The following AFF4 variants were observed in gnomAD, a reference collection of about 807,000 sequenced individuals.
AFF4 encodes the protein AF4/FMR2 family member 4.
Under a neutral mutation model 124.8 loss-of-function variants are expected in AFF4, and 13 were observed. The ratio of observed to expected loss-of-function variants is 0.10; its 90% confidence interval spans 0.07 to 0.17. AFF4 has a LOEUF of 0.17. AFF4 is among the 10% of genes least tolerant of loss of function. The pLI is 1.00. For synonymous variants in AFF4, 477 were observed against 496.1 expected, an observed-to-expected ratio of 0.96 and a Z score of 0.51; for missense variants, 1,092 against 1,403.8, an observed-to-expected ratio of 0.78 and a Z score of 3.55.
At chr5:132,959,472 T>C (rs1418391413) in intron 1 of AFF4, among the ~76,000 whole-genome samples, 5 of 119,454 alleles carry the variant, frequency 4.2e-5, no homozygotes, top group African/African-American at 1.3e-4. Flanking sequence ...GTAGCTAAGA[T>C]TTTTTTTCTT....
intron 5 of AFF4, among the ~76,000 whole-genome samples, chr5:132,923,139 G>A (rs980659585): frequency 6.6e-5 from 10 of 152,154 alleles, no homozygotes; most frequent in Admixed American, 6.5e-4. Context: ...TTGCACCACT[G>A]CACTCCAGCC....
In AFF4 at chr5:132,892,364, G is replaced by A; in HGVS notation, c.2437C>T (p.Pro813Ser). Reference protein sequence around the residue: ...QSAAKEKDLLPSPAGPVPSKD... With the variant: ...QSAAKEKDLLSSPAGPVPSKD... ...GAAGGAACAGGCCCAGCGGGAGAAG[G>A]CAACAAATCCTTTTCTTTTGCAGCA... The change falls in exon 13 of 21, where the codon CCT (proline) becomes TCT (serine). Residue 813 changes from proline (P) to serine (S), a missense_variant. Physicochemically the swap from Pro to Ser is moderately conservative, Grantham distance 74. Around this residue, in one of 11 missense-constraint regions of AFF4, gnomAD observed 293 missense variants for 280.2 expected, o/e 1.05. Transcript: ENST00000265343. 1 of 1,613,836 alleles carries A rather than the reference G, an allele frequency of 6.2e-7. No homozygotes were observed.
intron 1 of AFF4, among the ~76,000 whole-genome samples, chr5:132,949,138 G>T (rs1761770092): frequency 6.6e-6 from 1 of 151,478 alleles, no homozygotes; most frequent in Non-Finnish European, 1.5e-5. Flanking sequence ...CAGTAGGAAG[G>T]CATGTTGAGA....
intron 17 of AFF4, among the ~76,000 whole-genome samples, chr5:132,887,251 T>G (rs766338355): frequency 3.3e-5 from 5 of 152,128 alleles, no homozygotes; most frequent in Non-Finnish European, 7.4e-5. Context: ...ATGAAGAGTG[T>G]GGAAAAGTGA....
chr5:132,927,815 G>C (rs1307479144), intron 4 of AFF4, among the ~76,000 whole-genome samples: 1 of 149,332 alleles, frequency 6.7e-6, no homozygotes, highest in Non-Finnish European at 1.5e-5. Flanking sequence ...GAAGAAATCA[G>C]AAGAGAAATT....
At chr5:132,883,221 CAG>C in intron 20 of AFF4, 117 bp downstream of exon 20, 1 of 975,774 alleles carries the variant, frequency 1.0e-6, no homozygotes, top group Non-Finnish European at 1.5e-6. Context: ...TATTAACAAA[CAG>C]ATTATCATTA....
In AFF4 at chr5:132,963,432, G is replaced by A. The variant is rs1581347623; in HGVS notation, c.-178C>T. 7.5e-6 allele frequency: 3 copies of A among 398,202 alleles called. No homozygotes were observed. In the East Asian group the frequency reaches 1.1e-4, roughly 14 times the overall value. The allele number at this position is 398,202 out of a possible 1,614,324, so 24.7% of individuals were successfully genotyped here. On this transcript the variant is annotated 5_prime_UTR_variant, in exon 1 of 21. Transcript: ENST00000265343. ...GTTCCGGAGGCCTCGACAAACGAAG[G>A]CGGCGTCGGCGGCGGCGGCAGCGAT...
intron 1 of AFF4, among the ~76,000 whole-genome samples, chr5:132,958,488 AAGG>A (rs1278889294): frequency 6.7e-6 from 1 of 149,220 alleles, no homozygotes; most frequent in African/African-American, 2.4e-5. Flanking sequence ...AAAAAAAAAA[AAGG>A]AGCTACAAAG....
At chr5:132,963,192 C>A (rs1762120887) in intron 1 of AFF4, 67 bp downstream of exon 1, 2 of 385,534 alleles carry the variant, frequency 5.2e-6, no homozygotes, top group Non-Finnish European at 9.2e-6. Context: ...CCCCCACCCC[C>A]ACCCGGCCCC....
intron 5 of AFF4, 101 bp from the exon 6 acceptor site, chr5:132,904,505 G>T: frequency 9.7e-7 from 1 of 1,027,432 alleles, no homozygotes; most frequent in Non-Finnish European, 1.4e-6. Context: ...ACTTGAAAAA[G>T]CACAGAAAGA....
At chr5:132,915,288 C>T (rs896844430) in intron 5 of AFF4, among the ~76,000 whole-genome samples, 1 of 151,698 alleles carries the variant, frequency 6.6e-6, no homozygotes, top group African/African-American at 2.4e-5. Context: ...TTGCAGTGAG[C>T]CGAGATCACA....
intron 5 of AFF4, among the ~76,000 whole-genome samples, chr5:132,918,082 T>C (rs1244249180): frequency 6.6e-6 from 1 of 151,690 alleles, no homozygotes; most frequent in Non-Finnish European, 1.5e-5. Flanking sequence ...TAAAATTCCA[T>C]TTATAATAGC....
chr5:132,908,591 A>G (rs1760720649), intron 5 of AFF4, among the ~76,000 whole-genome samples: 1 of 151,304 alleles, frequency 6.6e-6, no homozygotes. Context: ...CTGATTAGAA[A>G]TTTTTTTTCA....
At chr5:132,931,381 A>C (rs1016018995) in intron 4 of AFF4, among the ~76,000 whole-genome samples, 3 of 152,186 alleles carry the variant, frequency 2.0e-5, no homozygotes, top group African/African-American at 7.2e-5. Context: ...GTGAGCCTAG[A>C]TAATGCCACT....
At chr5:132,939,815 T>C (rs908093851) in intron 1 of AFF4, among the ~76,000 whole-genome samples, 1 of 152,210 alleles carries the variant, frequency 6.6e-6, no homozygotes, top group Admixed American at 6.5e-5. Flanking sequence ...TTCACCGAGT[T>C]GGCCAAACTC....
chr5:132,931,895 G>C (rs760691178), intron 4 of AFF4, among the ~76,000 whole-genome samples: 1 of 152,180 alleles, frequency 6.6e-6, no homozygotes, highest in Non-Finnish European at 1.5e-5. Context: ...AGTGAGCCAA[G>C]ATCGCGCCAC....
In AFF4 at chr5:132,879,678, A is replaced by T. The variant is rs534067458; in HGVS notation, c.*1381T>A. The T allele has an allele frequency of 9.5e-6, 2 of 210,448 alleles. No individual in the cohort carries two copies. The highest frequency in any genetic ancestry group is 4.5e-5 in the African/African-American group (2 of 44,248). The allele number at this position is 210,448 out of a possible 1,614,324, so 13.0% of individuals were successfully genotyped here. A position where few individuals can be genotyped will look rare whatever the true frequency, so the allele number is the denominator to read the frequency against. ...GATAGGGGCATGAAAAATAAAGTAT[A>T]GAGGGTACATTTCTTATCTTAGACT... On this transcript the variant is annotated 3_prime_UTR_variant, in exon 21 of 21. Coordinates refer to ENST00000265343, the MANE Select transcript of AFF4 (RefSeq NM_014423.4).
intron 18 of AFF4, 32 bp downstream of exon 18, chr5:132,886,278 A>G: frequency 1.3e-6 from 2 of 1,596,614 alleles, no homozygotes; most frequent in East Asian, 4.5e-5. Context: ...TCTGTCTCCT[A>G]GGAAACGGAC....
At chr5:132,899,302 G>T (rs1000650521) in intron 8 of AFF4, among the ~76,000 whole-genome samples, 161 bp from the exon 9 acceptor site, 2 of 152,110 alleles carry the variant, frequency 1.3e-5, no homozygotes, top group African/African-American at 4.8e-5. Context: ...TAACTGAATT[G>T]CCAGAATAAG....
Sources: gnomAD v4.1 joint callset for allele counts (sites outside exome capture counted in the v4.1 genomes callset) on GRCh38, gnomAD v4.1.1 for gene constraint, gnomAD v4.1.1 regional missense constraint, MANE v1.5 for transcripts, NCBI Gene and HGNC (gene_info 2026-07-23, HGNC 2026-07-21) for gene names.